Variants in TBL1XR1 observed in about 807,000 individuals in gnomAD.
The protein encoded by TBL1XR1 is F-box-like/WD repeat-containing protein TBL1XR1.
A neutral mutation model predicts 66.9 loss-of-function variants in TBL1XR1; 5 were observed. The ratio of observed to expected loss-of-function variants is 0.07; its 90% confidence interval spans 0.04 to 0.16. The LOEUF (loss-of-function observed/expected upper bound fraction) is 0.16, where lower values mean the gene tolerates loss of function less well. TBL1XR1 is among the 10% of genes least tolerant of loss of function. The pLI, the probability that TBL1XR1 is intolerant of heterozygous loss-of-function variation, is 1.00. For synonymous variants in TBL1XR1, 210 were observed against 206.0 expected (o/e 1.02, Z -0.17); for missense variants, 238 against 623.2 (o/e 0.38, Z 6.58).
chr3:177,120,203 A>C (rs1436814858), intron 1 of TBL1XR1, among the ~76,000 whole-genome samples: 3 of 151,988 alleles, frequency 2.0e-5, no homozygotes, highest in Admixed American at 2.0e-4. Flanking sequence ...TTAATTCGGC[A>C]TTCCTGTTCT....
At chr3:177,144,479 C>T (rs1730006118) in intron 1 of TBL1XR1, among the ~76,000 whole-genome samples, 1 of 151,706 alleles carries the variant, frequency 6.6e-6, no homozygotes, top group South Asian at 2.1e-4. Context: ...CCTGGCCGGG[C>T]GCGGTGGCTC....
At chr3:177,137,624 G>A (rs1016144747) in intron 1 of TBL1XR1, among the ~76,000 whole-genome samples, 1 of 152,154 alleles carries the variant, frequency 6.6e-6, no homozygotes, top group South Asian at 2.1e-4. Context: ...TGTATCTACT[G>A]CTCCTCCTTC....
chr3:177,053,673 G>T, intron 4 of TBL1XR1, 100 bp downstream of exon 4: 1 of 1,207,794 alleles, frequency 8.3e-7, no homozygotes, highest in Non-Finnish European at 1.2e-6. Flanking sequence ...TGTTAACCCT[G>T]TGAAGCTAAA....
chr3:177,197,587 C>A (rs1737042027), upstream of TBL1XR1, among the ~76,000 whole-genome samples: 1 of 136,740 alleles, frequency 7.3e-6, no homozygotes, highest in Non-Finnish European at 1.6e-5. Context: ...CGGCGGCGGC[C>A]GCGCAGCAAA....
At chr3:177,112,109 T>TATATATATATA (rs1560188974) in intron 1 of TBL1XR1, among the ~76,000 whole-genome samples, 40 of 36,932 alleles carry the variant, frequency 1.1e-3, no homozygotes, top group East Asian at 2.7e-3. Flanking sequence ...ATATATATAT[T>TATATATATATA]TTTTTTTTTT....
chr3:177,198,074 A>G (rs186092794), upstream of TBL1XR1, among the ~76,000 whole-genome samples: 42 of 152,186 alleles, frequency 2.8e-4, no homozygotes, highest in Middle Eastern at 3.4e-3. Context: ...GCGGCATCAT[A>G]TGGACATTTG....
rs1038419278 is a variant in TBL1XR1 at position 177,020,739 on chromosome 3, T to G, written c.*4759A>C. 4 of 152,202 alleles carry G rather than the reference T, an allele frequency of 2.6e-5. No homozygotes were observed. Among genetic ancestry groups the G allele is most frequent in the African/African-American group, 9.6e-5 (4 of 41,452 alleles). 9.4% of individuals were successfully genotyped at this position (152,202 alleles called of 1,614,324 possible). Reference sequence around the variant, plus strand: ...ACATAGACATCAAAGGTTTTATATATGTACACAGCCAACATAATATCAAAA... The same window carrying G: ...ACATAGACATCAAAGGTTTTATATAGGTACACAGCCAACATAATATCAAAA... On this transcript the variant is annotated 3_prime_UTR_variant, in exon 16 of 16. Transcript: ENST00000457928.
intron 2 of TBL1XR1, among the ~76,000 whole-genome samples, chr3:177,068,087 T>C (rs1336120959): frequency 6.6e-6 from 1 of 152,224 alleles, no homozygotes; most frequent in Non-Finnish European, 1.5e-5. Flanking sequence ...ATGAAGAGTA[T>C]ATCATGCATA....
chr3:177,072,806 G>A (rs1346911228), intron 2 of TBL1XR1, among the ~76,000 whole-genome samples: 1 of 152,236 alleles, frequency 6.6e-6, no homozygotes, highest in Non-Finnish European at 1.5e-5. Flanking sequence ...GCTCACGCCT[G>A]TAATCCCAAC....
intron 1 of TBL1XR1, chr3:177,196,337 T>C (rs1290203244): frequency 2.6e-5 from 4 of 152,038 alleles, no homozygotes; most frequent in Admixed American, 2.6e-4. Flanking sequence ...ACCCAAAACT[T>C]ACCAGGAAGC....
chr3:177,112,364 T>TC (rs1725758217), intron 1 of TBL1XR1, among the ~76,000 whole-genome samples: 2 of 151,496 alleles, frequency 1.3e-5, no homozygotes, highest in Non-Finnish European at 2.9e-5. Flanking sequence ...CACCTCAGCC[T>TC]CCAAAAGTGC....
At chr3:177,142,547 T>C (rs1169188030) in intron 1 of TBL1XR1, among the ~76,000 whole-genome samples, 1 of 152,198 alleles carries the variant, frequency 6.6e-6, no homozygotes, top group African/African-American at 2.4e-5. Flanking sequence ...AGTCTTCACC[T>C]GGTGCAAAGT....
intron 1 of TBL1XR1, among the ~76,000 whole-genome samples, chr3:177,158,141 A>T (rs184222452): frequency 1.4e-5 from 2 of 141,250 alleles, no homozygotes; most frequent in East Asian, 3.9e-4. Context: ...TTATAACATT[A>T]TTTCTAAAAA....
chr3:177,116,762 AGTTAT>A (rs1263593842), intron 1 of TBL1XR1, among the ~76,000 whole-genome samples: 3 of 152,226 alleles, frequency 2.0e-5, no homozygotes, highest in Non-Finnish European at 1.5e-5. Context: ...CTCAGAGGAA[AGTTAT>A]GTTAACTAAA....
intron 1 of TBL1XR1, among the ~76,000 whole-genome samples, chr3:177,104,129 A>AAAAGAGAGAGAGAGAG (rs754019574): frequency 7.1e-6 from 1 of 141,216 alleles, no homozygotes; most frequent in East Asian, 2.1e-4. Context: ...AAAAAAAAAA[A>AAAAGAGAGAGAGAGAG]AGAGAGAGAG....
chr3:177,128,455 C>T (rs1227114644), intron 1 of TBL1XR1, among the ~76,000 whole-genome samples: 1 of 152,130 alleles, frequency 6.6e-6, no homozygotes, highest in Non-Finnish European at 1.5e-5. Flanking sequence ...CTCCCTGCAG[C>T]CTGGATCTCT....
chr3:177,044,284 A>G (rs1262925318), intron 10 of TBL1XR1, among the ~76,000 whole-genome samples: 4 of 152,178 alleles, frequency 2.6e-5, no homozygotes, highest in Non-Finnish European at 5.9e-5. Flanking sequence ...TGTGAGGGTT[A>G]GGAGCACCAA....
intron 1 of TBL1XR1, among the ~76,000 whole-genome samples, chr3:177,106,097 A>C (rs1189727443): frequency 6.6e-6 from 1 of 152,178 alleles, no homozygotes; most frequent in African/African-American, 2.4e-5. Flanking sequence ...GGACAATGAT[A>C]ATGAAGACAC....
chr3:177,149,800 G>A (rs558331956), intron 1 of TBL1XR1, among the ~76,000 whole-genome samples: 5 of 152,276 alleles, frequency 3.3e-5, no homozygotes, highest in South Asian at 4.1e-4. Flanking sequence ...GAACACAGCC[G>A]TGCTTATTCA....
Sources: gnomAD v4.1 joint callset for allele counts (sites outside exome capture counted in the v4.1 genomes callset) on GRCh38, gnomAD v4.1.1 for gene constraint, MANE v1.5 for transcripts, NCBI Gene and HGNC (gene_info 2026-07-23, HGNC 2026-07-21) for gene names.